PSD3: variants seen among roughly 807,000 people sequenced by gnomAD.
PSD3 encodes the protein pleckstrin and Sec7 domain containing 3.
PSD3 carries 49 observed loss-of-function variants against 105.5 expected under a neutral mutation model. The observed-to-expected ratio is 0.46, with a 90% CI of 0.37 to 0.59. The LOEUF (loss-of-function observed/expected upper bound fraction) is 0.59. Ranked by LOEUF, PSD3 falls within the 20% of genes least tolerant of loss-of-function variation. The pLI is 0.00. For missense variants in PSD3, 1,561 were observed against 1,263.8 expected (o/e 1.24, Z -3.57); for synonymous variants, 557 against 457.8 (o/e 1.22, Z -2.77).
At chr8:18,623,662 T>C (rs1299380829) in intron 11 of PSD3, among the ~76,000 whole-genome samples, 1 of 142,326 alleles carries the variant, frequency 7.0e-6, no homozygotes, top group Admixed American at 7.0e-5. Flanking sequence ...AAAAAAAAAA[T>C]TGTAAAACAT....
At chr8:18,689,807 G>A (rs1454080186) in intron 9 of PSD3, among the ~76,000 whole-genome samples, 1 of 152,124 alleles carries the variant, frequency 6.6e-6, no homozygotes, top group East Asian at 1.9e-4. Flanking sequence ...ATGATTAATT[G>A]TTTCCTAGAC....
At chr8:18,546,552 T>C (rs1800462071) in intron 15 of PSD3, among the ~76,000 whole-genome samples, 2 of 152,222 alleles carry the variant, frequency 1.3e-5, no homozygotes, top group Admixed American at 6.5e-5. Context: ...AAAAAGAATG[T>C]AAAATATTTT....
intron 2 of PSD3, among the ~76,000 whole-genome samples, chr8:18,910,239 A>C (rs1184235106): frequency 1.3e-5 from 2 of 148,990 alleles, no homozygotes. Context: ...AACCAACTCA[A>C]ATGTCCAACA....
At chr8:18,987,009 T>C (rs1322202518) in intron 1 of PSD3, among the ~76,000 whole-genome samples, 1 of 152,078 alleles carries the variant, frequency 6.6e-6, no homozygotes, top group African/African-American at 2.4e-5. Context: ...TCTGATCTTT[T>C]CACAAAAAAA....
At chr8:18,622,828 C>G (rs1359407191) in intron 11 of PSD3, among the ~76,000 whole-genome samples, 1 of 152,166 alleles carries the variant, frequency 6.6e-6, no homozygotes, top group African/African-American at 2.4e-5. Flanking sequence ...ATCTCTCTCC[C>G]TGCTCCCTCT....
chr8:18,958,047 C>T (rs145721697), intron 1 of PSD3, among the ~76,000 whole-genome samples: 260 of 152,234 alleles, frequency 1.7e-3, no homozygotes, highest in African/African-American at 5.8e-3. Context: ...TCCACAGACA[C>T]ATACCAAAGA....
At chr8:18,973,534 G>A (rs1824767006) in intron 1 of PSD3, among the ~76,000 whole-genome samples, 1 of 152,048 alleles carries the variant, frequency 6.6e-6, no homozygotes, top group African/African-American at 2.4e-5. Flanking sequence ...ACTGGATTAG[G>A]GGCCCATCCT....
intron 2 of PSD3, among the ~76,000 whole-genome samples, chr8:18,885,136 G>A (rs975615697): frequency 1.3e-5 from 2 of 152,002 alleles, no homozygotes; most frequent in African/African-American, 4.8e-5. Flanking sequence ...TCCACATCTT[G>A]TGCTTCTCCT....
At chr8:18,992,173 A>G (rs1825841295) in intron 1 of PSD3, among the ~76,000 whole-genome samples, 1 of 152,168 alleles carries the variant, frequency 6.6e-6, no homozygotes, top group Non-Finnish European at 1.5e-5. Flanking sequence ...TATATAACTA[A>G]TAAGGATCAG....
intron 1 of PSD3, among the ~76,000 whole-genome samples, chr8:18,967,434 G>A (rs952624301): frequency 1.3e-5 from 2 of 152,030 alleles, no homozygotes; most frequent in Admixed American, 6.6e-5. Context: ...GTGAGCCACC[G>A]CGCCTGGCCA....
intron 9 of PSD3, among the ~76,000 whole-genome samples, chr8:18,754,232 A>G (rs1585847147): frequency 6.6e-6 from 1 of 152,030 alleles, no homozygotes; most frequent in Non-Finnish European, 1.5e-5. Context: ...AAAAATACAA[A>G]AATTAGGAGG....
At chr8:18,576,411 T>C (rs1454762003) in intron 12 of PSD3, among the ~76,000 whole-genome samples, 1 of 152,112 alleles carries the variant, frequency 6.6e-6, no homozygotes, top group Non-Finnish European at 1.5e-5. Context: ...ATGACAGTCT[T>C]CTCGAGTGGT....
chr8:18,580,787 A>G (rs575741020), intron 12 of PSD3, among the ~76,000 whole-genome samples: 8 of 152,264 alleles, frequency 5.3e-5, no homozygotes, highest in African/African-American at 1.9e-4. Flanking sequence ...TGCTTTCTAG[A>G]CCCTAAAGAT....
At chr8:18,863,774 T>G (rs1487450707) in intron 4 of PSD3, among the ~76,000 whole-genome samples, 1 of 152,156 alleles carries the variant, frequency 6.6e-6, no homozygotes, top group South Asian at 2.1e-4. Context: ...AAAAACTGTC[T>G]TTCCCAACTG....
chr8:18,530,195 G>C lies in PSD3; in HGVS notation c.*5548C>G, dbSNP rs1799576187. On this transcript the variant is annotated 3_prime_UTR_variant, in exon 16 of 16. Transcript: ENST00000327040. ...AAACATGCTGGTTAATAAAATTTTA[G>C]TCTCTAGTTACCTATTTACACTCTA... 1 of 152,718 alleles carries C rather than the reference G, an allele frequency of 6.5e-6. No homozygotes were observed. The highest frequency in any genetic ancestry group is 1.9e-4 in the East Asian group (1 of 5,176). The allele number at this position is 152,718 out of a possible 1,614,324, so 9.5% of individuals were successfully genotyped here.
chr8:19,074,871 C>T (rs1178969258), intron 1 of PSD3, among the ~76,000 whole-genome samples: 4 of 151,658 alleles, frequency 2.6e-5, no homozygotes, highest in East Asian at 1.9e-4. Context: ...CCGCCTGCCT[C>T]GGCCTCCCAA....
intron 12 of PSD3, among the ~76,000 whole-genome samples, chr8:18,594,570 G>A (rs1439406849): frequency 1.3e-5 from 2 of 149,042 alleles, no homozygotes; most frequent in Non-Finnish European, 1.5e-5. Flanking sequence ...AGTTCAACTT[G>A]AAATGAAAGA....
At chr8:18,545,163 A>C (rs912391716) in intron 15 of PSD3, among the ~76,000 whole-genome samples, 1 of 152,212 alleles carries the variant, frequency 6.6e-6, no homozygotes, top group Non-Finnish European at 1.5e-5. Context: ...CAGTCTGTAT[A>C]AGTATTCAGC....
At chr8:19,056,395 T>G (rs1008779341) in intron 1 of PSD3, among the ~76,000 whole-genome samples, 10 of 152,186 alleles carry the variant, frequency 6.6e-5, no homozygotes, top group Non-Finnish European at 4.4e-5. Flanking sequence ...AGAAGAGAAG[T>G]CAGAGTTTTG....
Sources: gnomAD v4.1 joint callset for allele counts (sites outside exome capture counted in the v4.1 genomes callset) on GRCh38, gnomAD v4.1.1 for gene constraint, MANE v1.5 for transcripts, NCBI Gene and HGNC (gene_info 2026-07-23, HGNC 2026-07-21) for gene names.